The following RBMS1 variants were observed in gnomAD, a reference collection of about 807,000 sequenced individuals.
The protein encoded by RBMS1 is RNA-binding motif, single-stranded-interacting protein 1.
A neutral mutation model predicts 62.3 loss-of-function variants in RBMS1; 17 were observed. That is an observed-to-expected ratio of 0.27 (90% CI 0.19 to 0.41). The LOEUF is 0.41. Ranked by LOEUF, RBMS1 falls within the 10% of genes least tolerant of loss-of-function variation. The pLI, the probability that RBMS1 is intolerant of heterozygous loss-of-function variation, is 1.00. For missense variants in RBMS1, 334 were observed against 504.5 expected (o/e 0.66, Z 3.24); for synonymous variants, 172 against 170.0 (o/e 1.01, Z -0.09).
At chr2:160,387,551 A>G (rs1694648042) in intron 1 of RBMS1, among the ~76,000 whole-genome samples, 2 of 152,154 alleles carry the variant, frequency 1.3e-5, no homozygotes, top group Non-Finnish European at 2.9e-5. Context: ...CAATGGCACA[A>G]GCCCTGGAAC....
intron 12 of RBMS1, 29 bp from the exon 13 acceptor site, chr2:160,275,743 A>G (rs201304138): frequency 1.2e-6 from 2 of 1,613,198 alleles, no homozygotes; most frequent in Non-Finnish European, 1.7e-6. Context: ...AATGGATGAG[A>G]CATGTTAGTG....
At chr2:160,477,660 C>T (rs913309617) in intron 1 of RBMS1, among the ~76,000 whole-genome samples, 1 of 152,052 alleles carries the variant, frequency 6.6e-6, no homozygotes, top group Non-Finnish European at 1.5e-5. Context: ...ATGAAAGGTA[C>T]TAAAACCAGA....
In RBMS1 at chr2:160,464,581, T is replaced by C. The variant is rs72978889; in HGVS notation, c.75+28708A>G. Among the ~76,000 whole-genome samples, 232 of 152,336 alleles carry C rather than the reference T, an allele frequency of 1.5e-3. 1 individual carries two copies. The highest frequency in any genetic ancestry group is 2.8e-3 in the Non-Finnish European group (192 of 68,032). ...AAGGAGGTAAAGCATATGGTCAATA[T>C]TGTAATCTGTTAACACTATCAGGTG... On this transcript the variant is annotated intron_variant, in intron 1 of 13. Coordinates refer to ENST00000348849, the MANE Select transcript of RBMS1 (RefSeq NM_016836.4).
At chr2:160,381,312 C>T (rs547300312) in intron 1 of RBMS1, among the ~76,000 whole-genome samples, 1 of 152,212 alleles carries the variant, frequency 6.6e-6, no homozygotes, top group East Asian at 1.9e-4. Flanking sequence ...AATATTTTAT[C>T]TTTTTGTTAC....
At position 160,455,029 on chromosome 2, in the gene RBMS1, G is replaced by A. The variant is rs528039614; in HGVS notation, c.75+38260C>T. Among the ~76,000 whole-genome samples, 79 of 152,138 alleles carry A rather than the reference G, an allele frequency of 5.2e-4. No homozygotes were observed. The South Asian group carries it at 6.0e-3, about 12-fold the overall frequency. ...GTAGCTGTCTCTCTTTCTCTGAATC[G>A]TATACTTCAGGTACACAAAGTTACA... On this transcript the variant is annotated intron_variant, in intron 1 of 13. Coordinates refer to ENST00000348849, the MANE Select transcript of RBMS1 (RefSeq NM_016836.4).
rs1283133838 is a variant in RBMS1 at position 160,363,393 on chromosome 2, A to T, written c.251+3823T>A. 2.6e-5 allele frequency among the ~76,000 whole-genome samples: 4 copies of T among 152,284 alleles called. No individual in the cohort carries two copies. The East Asian group carries it at 7.7e-4, about 29-fold the overall frequency. On this transcript the variant is annotated intron_variant, in intron 2 of 13. Coordinates refer to ENST00000348849, the MANE Select transcript of RBMS1 (RefSeq NM_016836.4). ...ACATAAAAATTTAGAAATAAAGAGG[A>T]GAGTTACTGGTGTGGTCCAAGCACA... is the stretch of plus-strand genomic sequence containing the variant.
chr2:160,470,379 C>T (rs912479974), intron 1 of RBMS1, among the ~76,000 whole-genome samples: 1 of 152,184 alleles, frequency 6.6e-6, no homozygotes, highest in Non-Finnish European at 1.5e-5. Context: ...TATGTTCATA[C>T]TTATCTATGT....
At position 160,428,744 on chromosome 2, in the gene RBMS1, G is replaced by A. The variant is rs183722071; in HGVS notation, c.76-61353C>T. ...AATAAATCTGTCTATAGATGGACCC[G>A]TAACAGACTAAGTTAATTAGTATTA... On this transcript the variant is annotated intron_variant, in intron 1 of 13. Coordinates refer to ENST00000348849, the MANE Select transcript of RBMS1 (RefSeq NM_016836.4). 1.7e-4 allele frequency among the ~76,000 whole-genome samples: 26 copies of A among 152,312 alleles called. No homozygotes were observed. The East Asian group carries it at 4.4e-3, about 26-fold the overall frequency.
chr2:160,293,654 T>C (rs1688790049), intron 6 of RBMS1, among the ~76,000 whole-genome samples: 1 of 152,126 alleles, frequency 6.6e-6, no homozygotes, highest in Non-Finnish European at 1.5e-5. Flanking sequence ...AACACACAGT[T>C]AGCCTTTGTC....
At chr2:160,311,969 T>A (rs755798486) in intron 4 of RBMS1, among the ~76,000 whole-genome samples, 4 of 152,218 alleles carry the variant, frequency 2.6e-5, no homozygotes, top group Non-Finnish European at 4.4e-5. Context: ...GTTTGGTGCA[T>A]AATGGAATGT....
intron 1 of RBMS1, chr2:160,401,871 T>C (rs968897787): frequency 6.6e-6 from 1 of 152,208 alleles, no homozygotes; most frequent in Non-Finnish European, 1.5e-5. Flanking sequence ...TGACCAACTG[T>C]TTAAAAATAT....
intron 6 of RBMS1, among the ~76,000 whole-genome samples, chr2:160,299,449 T>C (rs1368094859): frequency 6.6e-6 from 1 of 152,176 alleles, no homozygotes; most frequent in Non-Finnish European, 1.5e-5. Context: ...CCCCATTTCG[T>C]CACCAATTAG....
chr2:160,459,863 T>C (rs1684390846), intron 1 of RBMS1, among the ~76,000 whole-genome samples: 1 of 152,160 alleles, frequency 6.6e-6, no homozygotes, highest in Non-Finnish European at 1.5e-5. Context: ...TTGAAACCAA[T>C]GTGCACAAAA....
At chr2:160,402,759 T>C (rs754694820) in intron 1 of RBMS1, among the ~76,000 whole-genome samples, 7 of 152,164 alleles carry the variant, frequency 4.6e-5, no homozygotes, top group Non-Finnish European at 7.3e-5. Context: ...TCCAGGGACC[T>C]AGCTTTCACC....
chr2:160,319,476 C>T (rs973709027), intron 2 of RBMS1, among the ~76,000 whole-genome samples: 1 of 152,198 alleles, frequency 6.6e-6, no homozygotes, highest in Non-Finnish European at 1.5e-5. Flanking sequence ...TGCACCACTG[C>T]ACTCCACCCT....
intron 1 of RBMS1, among the ~76,000 whole-genome samples, chr2:160,466,013 T>G (rs1574094575): frequency 6.6e-6 from 1 of 152,240 alleles, no homozygotes. Flanking sequence ...TTAAAATGTA[T>G]CTATGTATGA....
rs573292910 is a variant in RBMS1 at position 160,348,939 on chromosome 2, T to C, written c.251+18277A>G. ...ATTACTTGAGTTTATTAATGTTTTA[T>C]AGAGGGATATTTAATACCAAAAAAT... On this transcript the variant is annotated intron_variant, in intron 2 of 13. Coordinates refer to ENST00000348849, the MANE Select transcript of RBMS1 (RefSeq NM_016836.4). Among the ~76,000 whole-genome samples, 4 of 152,238 alleles carry C rather than the reference T, an allele frequency of 2.6e-5. No homozygotes were observed. In the South Asian group the frequency reaches 6.2e-4, roughly 24 times the overall value.
intron 1 of RBMS1, among the ~76,000 whole-genome samples, chr2:160,481,833 C>T (rs6432621): frequency 0.95 from 144,684 of 152,278 alleles, 68,924 homozygotes; most frequent in East Asian, 1. Context: ...AGGGCTAAAA[C>T]TAAAAGACTG....
At chr2:160,359,287 C>A (rs1692990047) in intron 2 of RBMS1, among the ~76,000 whole-genome samples, 1 of 152,142 alleles carries the variant, frequency 6.6e-6, no homozygotes, top group South Asian at 2.1e-4. Context: ...GGCAATGAAA[C>A]CTTTGGTCTA....
Sources: gnomAD v4.1 joint callset for allele counts (sites outside exome capture counted in the v4.1 genomes callset) on GRCh38, gnomAD v4.1.1 for gene constraint, MANE v1.5 for transcripts, NCBI Gene and HGNC (gene_info 2026-07-23, HGNC 2026-07-21) for gene names.